The following NKAIN2 variants were observed in gnomAD, a reference collection of about 807,000 sequenced individuals.
The protein encoded by NKAIN2 is sodium/potassium transporting ATPase interacting 2.
In NKAIN2, 14 loss-of-function variants were observed where a neutral mutation model predicts 32.6. That is an observed-to-expected ratio of 0.43 (90% CI 0.28 to 0.67). NKAIN2 has a LOEUF of 0.67. Ranked by LOEUF, NKAIN2 falls within the 30% of genes least tolerant of loss-of-function variation. The pLI is 0.17. For synonymous variants in NKAIN2, 80 were observed against 87.2 expected, an observed-to-expected ratio of 0.92 and a Z score of 0.46; for missense variants, 198 against 258.3, an observed-to-expected ratio of 0.77 and a Z score of 1.60.
At chr6:124,761,680 C>T (rs1778272975) in intron 4 of NKAIN2, among the ~76,000 whole-genome samples, 1 of 152,148 alleles carries the variant, frequency 6.6e-6, no homozygotes, top group Non-Finnish European at 1.5e-5. Flanking sequence ...CATCCTCTAA[C>T]ATAACTTTCT....
intron 1 of NKAIN2, among the ~76,000 whole-genome samples, chr6:124,066,313 G>C (rs1363069703): frequency 6.6e-6 from 1 of 152,022 alleles, no homozygotes; most frequent in Non-Finnish European, 1.5e-5. Context: ...TCTGTTTCCT[G>C]AGCCATGTTA....
intron 4 of NKAIN2, among the ~76,000 whole-genome samples, chr6:124,760,632 G>T (rs1347882826): frequency 6.6e-6 from 1 of 151,898 alleles, no homozygotes; most frequent in Non-Finnish European, 1.5e-5. Flanking sequence ...GTATTAATAA[G>T]TGTCTCCTGC....
At chr6:124,119,343 G>A (rs1292224329) in intron 1 of NKAIN2, among the ~76,000 whole-genome samples, 1 of 152,150 alleles carries the variant, frequency 6.6e-6, no homozygotes, top group Non-Finnish European at 1.5e-5. Flanking sequence ...TAAATCATGT[G>A]CACCTGGGAA....
At chr6:124,368,002 T>C (rs1055408506) in intron 3 of NKAIN2, among the ~76,000 whole-genome samples, 2 of 152,140 alleles carry the variant, frequency 1.3e-5, no homozygotes, top group African/African-American at 4.8e-5. Context: ...CCCAGAGCTC[T>C]AAGGAAAATT....
chr6:124,806,900 A>G (rs1458231990), intron 5 of NKAIN2, among the ~76,000 whole-genome samples: 3 of 152,228 alleles, frequency 2.0e-5, no homozygotes, highest in African/African-American at 7.2e-5. Context: ...GAAGGCCATT[A>G]CATAATGGTA....
intron 3 of NKAIN2, among the ~76,000 whole-genome samples, chr6:124,407,205 A>G (rs902391538): frequency 1.3e-5 from 2 of 151,924 alleles, no homozygotes; most frequent in Admixed American, 6.6e-5. Flanking sequence ...GTTTATTTTT[A>G]TTATTATACT....
intron 4 of NKAIN2, among the ~76,000 whole-genome samples, chr6:124,671,809 C>G (rs955059066): frequency 2.6e-5 from 4 of 151,872 alleles, no homozygotes; most frequent in African/African-American, 4.8e-5. Context: ...TCTGGCCTCA[C>G]AAACCAAAAT....
At chr6:123,892,964 A>G (rs1344140380) in intron 1 of NKAIN2, among the ~76,000 whole-genome samples, 1 of 151,684 alleles carries the variant, frequency 6.6e-6, no homozygotes, top group African/African-American at 2.4e-5. Context: ...AAGGCAAAAT[A>G]AACTGAAGTT....
chr6:124,280,360 C>A (rs1317655124), intron 1 of NKAIN2, among the ~76,000 whole-genome samples: 1 of 152,100 alleles, frequency 6.6e-6, no homozygotes, highest in East Asian at 1.9e-4. Flanking sequence ...ATGGTCTCTA[C>A]TATATAACCA....
intron 2 of NKAIN2, among the ~76,000 whole-genome samples, chr6:124,315,161 T>C (rs1796892988): frequency 6.6e-6 from 1 of 152,114 alleles, no homozygotes; most frequent in Non-Finnish European, 1.5e-5. Context: ...TTGTAGATGA[T>C]GAAGTAGGTA....
chr6:124,510,357 CT>C (rs1055581421), intron 3 of NKAIN2, among the ~76,000 whole-genome samples: 3 of 152,076 alleles, frequency 2.0e-5, no homozygotes, highest in South Asian at 2.1e-4. Context: ...AGATATTTGA[CT>C]TTTTTTCTTT....
At chr6:124,772,532 G>A (rs1363528740) in intron 4 of NKAIN2, among the ~76,000 whole-genome samples, 1 of 152,184 alleles carries the variant, frequency 6.6e-6, no homozygotes, top group Non-Finnish European at 1.5e-5. Flanking sequence ...TACTTCCCAT[G>A]TGCAGGCATG....
At chr6:124,422,386 T>G (rs1774794906) in intron 3 of NKAIN2, among the ~76,000 whole-genome samples, 1 of 152,178 alleles carries the variant, frequency 6.6e-6, no homozygotes, top group African/African-American at 2.4e-5. Flanking sequence ...GATTGAGTTT[T>G]GAAACAACTT....
chr6:124,308,348 T>C (rs569643021), intron 2 of NKAIN2, among the ~76,000 whole-genome samples: 24 of 152,318 alleles, frequency 1.6e-4, no homozygotes, highest in African/African-American at 5.5e-4. Context: ...TATTACTTGG[T>C]AGAAGATTTA....
At chr6:123,879,413 C>T (rs1406552551) in intron 1 of NKAIN2, among the ~76,000 whole-genome samples, 8 of 152,244 alleles carry the variant, frequency 5.3e-5, no homozygotes, top group African/African-American at 1.9e-4. Flanking sequence ...GGGGTGAAGG[C>T]TAAGTTGCTA....
intron 3 of NKAIN2, among the ~76,000 whole-genome samples, chr6:124,553,158 GT>G (rs1369183137): frequency 1.6e-4 from 25 of 152,090 alleles, no homozygotes; most frequent in Admixed American, 1.4e-3. Flanking sequence ...ATATTTTTAT[GT>G]TTAGCAATGA....
intron 5 of NKAIN2, among the ~76,000 whole-genome samples, chr6:124,798,796 T>C (rs1305545791): frequency 6.6e-6 from 1 of 152,152 alleles, no homozygotes; most frequent in Non-Finnish European, 1.5e-5. Flanking sequence ...ACTAGCTCAT[T>C]CATGACCTTC....
intron 1 of NKAIN2, among the ~76,000 whole-genome samples, chr6:123,842,011 T>C (rs1308078332): frequency 1.3e-5 from 2 of 152,186 alleles, no homozygotes; most frequent in East Asian, 3.9e-4. Context: ...CCATAGTAGA[T>C]GAAGTGGAAA....
intron 1 of NKAIN2, among the ~76,000 whole-genome samples, chr6:123,880,722 A>G (rs185029912): frequency 1.1e-4 from 16 of 152,300 alleles, no homozygotes; most frequent in African/African-American, 2.9e-4. Context: ...ATGTATCTCA[A>G]TATGCTTTGA....
Sources: allele counts gnomAD v4.1 joint callset (sites outside exome capture counted in the v4.1 genomes callset), GRCh38; gene constraint gnomAD v4.1.1; transcripts MANE v1.5; gene names NCBI Gene and HGNC (gene_info 2026-07-23, HGNC 2026-07-21).